The following DIAPH3 variants were observed in gnomAD, a reference collection of about 807,000 sequenced individuals.
DIAPH3 encodes diaphanous related formin 3.
In DIAPH3, 117 loss-of-function variants were observed where a neutral mutation model predicts 144.3. The observed-to-expected ratio is 0.81, with a 90% confidence interval of 0.70 to 0.95. DIAPH3 has a LOEUF of 0.95. Among genes scored for constraint, DIAPH3 ranks in the 40% least tolerant of loss-of-function variants. The probability of loss-of-function intolerance (pLI) is 0.00; values close to 1 mark genes in which losing one functional copy is unlikely to be tolerated. For missense variants in DIAPH3, 1,421 were observed against 1,412.7 expected, an observed-to-expected ratio of 1.01 and a Z score of -0.09; for synonymous variants, 519 against 488.9, an observed-to-expected ratio of 1.06 and a Z score of -0.81.
At chr13:59,773,874 A>G (rs1280845752) in intron 27 of DIAPH3, among the ~76,000 whole-genome samples, 1 of 152,176 alleles carries the variant, frequency 6.6e-6, no homozygotes, top group Non-Finnish European at 1.5e-5. Flanking sequence ...TAAGTCCACT[A>G]CTTTAAAAAG....
At chr13:59,768,772 A>G (rs1008825904) in intron 27 of DIAPH3, among the ~76,000 whole-genome samples, 3 of 152,288 alleles carry the variant, frequency 2.0e-5, no homozygotes, top group South Asian at 2.1e-4. Flanking sequence ...AAAATCTCTC[A>G]AAGTGCCATA....
At chr13:60,041,006 G>A (rs1300417184) in intron 5 of DIAPH3, among the ~76,000 whole-genome samples, 1 of 152,068 alleles carries the variant, frequency 6.6e-6, no homozygotes, top group Non-Finnish European at 1.5e-5. Context: ...TAGAGACGGG[G>A]TTTCGCCATG....
intron 23 of DIAPH3, among the ~76,000 whole-genome samples, chr13:59,835,461 T>C (rs1184407861): frequency 6.6e-6 from 1 of 151,712 alleles, no homozygotes; most frequent in African/African-American, 2.4e-5. Context: ...GGCTTGACTG[T>C]TAAAGAGCAG....
intron 1 of DIAPH3, among the ~76,000 whole-genome samples, chr13:60,148,050 C>T (rs1428667014): frequency 6.6e-6 from 1 of 152,084 alleles, no homozygotes; most frequent in Non-Finnish European, 1.5e-5. Context: ...ACCCAGGAAG[C>T]ATAATCAAGG....
At position 59,691,758 on chromosome 13, in the gene DIAPH3, G is replaced by T. The variant is rs376127092; in HGVS notation, c.3320-24912C>A. 2.0e-5 allele frequency among the ~76,000 whole-genome samples: 3 copies of T among 152,256 alleles called. No homozygotes were observed. In the East Asian group the frequency reaches 5.8e-4, roughly 29 times the overall value. On this transcript the variant is annotated intron_variant, in intron 27 of 27. Transcript: ENST00000400324. ...TAGCTCAAGTGCATTTAAAATGTGT[G>T]AGAAACTTTTTTATATTCAAGTACA...
At chr13:59,694,081 A>G (rs748026057) in intron 27 of DIAPH3, among the ~76,000 whole-genome samples, 2 of 152,210 alleles carry the variant, frequency 1.3e-5, no homozygotes, top group African/African-American at 2.4e-5. Flanking sequence ...CATTATAAGA[A>G]AGGACAGATA....
chr13:60,100,134 G>C (rs1000909047), intron 3 of DIAPH3, among the ~76,000 whole-genome samples: 8 of 152,112 alleles, frequency 5.3e-5, no homozygotes, highest in African/African-American at 1.9e-4. Flanking sequence ...CTTAATTATA[G>C]AGGGGAAATA....
At chr13:60,072,856 T>C (rs1013124983) in intron 4 of DIAPH3, among the ~76,000 whole-genome samples, 3 of 152,156 alleles carry the variant, frequency 2.0e-5, no homozygotes, top group Non-Finnish European at 4.4e-5. Context: ...CAACAACCAT[T>C]TGAGGTTGGT....
intron 22 of DIAPH3, among the ~76,000 whole-genome samples, chr13:59,850,230 G>C (rs1288021401): frequency 6.6e-6 from 1 of 151,894 alleles, no homozygotes; most frequent in African/African-American, 2.4e-5. Flanking sequence ...CTGAGACGAT[G>C]GGGTTTTCTA....
chr13:59,956,231 T>C (rs370140571), intron 17 of DIAPH3, among the ~76,000 whole-genome samples: 3 of 152,110 alleles, frequency 2.0e-5, no homozygotes, highest in African/African-American at 7.2e-5. Context: ...GGGGAAAATG[T>C]CTCCAAGGCA....
intron 27 of DIAPH3, among the ~76,000 whole-genome samples, chr13:59,759,259 A>G (rs925964808): frequency 6.6e-6 from 1 of 152,220 alleles, no homozygotes; most frequent in Non-Finnish European, 1.5e-5. Context: ...ATGGGCCTAC[A>G]ACACAAAAAA....
intron 5 of DIAPH3, among the ~76,000 whole-genome samples, chr13:60,027,578 A>C (rs1162011328): frequency 6.6e-6 from 1 of 152,198 alleles, no homozygotes; most frequent in Non-Finnish European, 1.5e-5. Flanking sequence ...AAAGCACAAG[A>C]AACAAGAGTT....
At chr13:60,156,941 T>A (rs9570262) in intron 1 of DIAPH3, among the ~76,000 whole-genome samples, 2,708 of 25,396 alleles carry the variant, frequency 0.11, 63 homozygotes, top group African/African-American at 0.16. Flanking sequence ...ATATATATAT[T>A]TTTTTTTTTT....
At chr13:59,771,876 AAATATC>A (rs2038141876) in intron 27 of DIAPH3, among the ~76,000 whole-genome samples, 5 of 152,034 alleles carry the variant, frequency 3.3e-5, no homozygotes, top group African/African-American at 1.2e-4. Context: ...TTAGTAAGCC[AAATATC>A]TCAGTAAACA....
At chr13:60,142,632 A>T (rs1437782494) in intron 1 of DIAPH3, among the ~76,000 whole-genome samples, 2 of 152,186 alleles carry the variant, frequency 1.3e-5, no homozygotes, top group Non-Finnish European at 2.9e-5. Context: ...CCTTGTAGAC[A>T]GCCCAGCACC....
At position 59,666,712 on chromosome 13, in the gene DIAPH3, C is replaced by T; in HGVS notation, c.3454G>A (p.Ala1152Thr). Reference sequence around the variant, plus strand: ...ACATTACACGCTTCCTTCTTCTCAGCTGCCTTGATCCTCCCAGTAGACGTA... The same window carrying T: ...ACATTACACGCTTCCTTCTTCTCAGTTGCCTTGATCCTCCCAGTAGACGTA... ...THTSTGRIKA[A>T]EKKEACNVES... is the part of the protein sequence containing the mutation. The change falls in exon 28 of 28, where the codon GCT becomes ACT. Residue 1152 changes from alanine (A) to threonine (T), a missense_variant. By Grantham distance (58) the Ala-to-Thr change is moderately conservative (BLOSUM62 0). Coordinates refer to ENST00000400324, the MANE Select transcript of DIAPH3 (RefSeq NM_001042517.2). The T allele has an allele frequency of 6.2e-7, 1 of 1,614,132 alleles. No homozygotes were observed. Among genetic ancestry groups the T allele is most frequent in the Non-Finnish European group, 8.5e-7 (1 of 1,180,000 alleles).
At chr13:59,669,484 A>G (rs1200449028) in intron 27 of DIAPH3, among the ~76,000 whole-genome samples, 1 of 152,120 alleles carries the variant, frequency 6.6e-6, no homozygotes, top group African/African-American at 2.4e-5. Flanking sequence ...TTATCTGCCT[A>G]CTGCACACAC....
At chr13:59,753,358 A>T (rs1202637633) in intron 27 of DIAPH3, among the ~76,000 whole-genome samples, 1 of 152,174 alleles carries the variant, frequency 6.6e-6, no homozygotes, top group African/African-American at 2.4e-5. Flanking sequence ...CTTCAGACAA[A>T]ATGTAGCTGG....
At chr13:60,010,895 C>T (rs559523476) in intron 7 of DIAPH3, among the ~76,000 whole-genome samples, 12 of 152,008 alleles carry the variant, frequency 7.9e-5, no homozygotes, top group African/African-American at 2.2e-4. Context: ...TACCTGAGGT[C>T]GGGAGTTTGA....
Sources: allele counts gnomAD v4.1 joint callset (sites outside exome capture counted in the v4.1 genomes callset), GRCh38; gene constraint gnomAD v4.1.1; transcripts MANE v1.5; gene names NCBI Gene and HGNC (gene_info 2026-07-23, HGNC 2026-07-21).